NAALADL2: variants seen among roughly 807,000 people sequenced by gnomAD.
The protein encoded by NAALADL2 is inactive N-acetylated-alpha-linked acidic dipeptidase-like protein 2.
In NAALADL2, 76 loss-of-function variants were observed where a neutral mutation model predicts 87.2. That is an observed-to-expected ratio of 0.87 (90% CI 0.72 to 1.05). The LOEUF is 1.05. NAALADL2 is among the 50% of genes least tolerant of loss of function. The pLI is 0.00. For synonymous variants in NAALADL2, 354 were observed against 331.0 expected (o/e 1.07, Z -0.75); for missense variants, 1,089 against 945.8 (o/e 1.15, Z -1.99).
At chr3:174,816,417 T>TGC (rs377727617) in intron 3 of NAALADL2, among the ~76,000 whole-genome samples, 6 of 149,920 alleles carry the variant, frequency 4.0e-5, no homozygotes, top group African/African-American at 1.5e-4. Context: ...TGTGTGCGTG[T>TGC]GTGTGTGTGT....
chr3:175,537,613 A>G (rs994760699), intron 9 of NAALADL2, among the ~76,000 whole-genome samples: 1 of 152,214 alleles, frequency 6.6e-6, no homozygotes, highest in Non-Finnish European at 1.5e-5. Flanking sequence ...ATACAGATTC[A>G]GTGAAAGTAA....
chr3:175,597,737 T>C (rs1479090395), intron 10 of NAALADL2, among the ~76,000 whole-genome samples: 1 of 151,952 alleles, frequency 6.6e-6, no homozygotes, highest in Non-Finnish European at 1.5e-5. Flanking sequence ...CAATATTGTC[T>C]CCAGATATTG....
chr3:175,351,056 G>T (rs1763704044), intron 5 of NAALADL2, among the ~76,000 whole-genome samples: 1 of 151,982 alleles, frequency 6.6e-6, no homozygotes. Flanking sequence ...ATACTTTGGA[G>T]TGTGACTTTA....
chr3:174,718,210 A>G lies in NAALADL2; in HGVS notation c.-114-19431A>G, dbSNP rs538250340. On this transcript the variant is annotated intron_variant, in intron 2 of 3. Transcript: ENST00000434257. ...GAAAAATTCTGCAATGAAGCATTCT[A>G]TTTTTGGGGCTTATTTATCTTTCCC... 5.3e-5 allele frequency among the ~76,000 whole-genome samples: 8 copies of G among 152,288 alleles called. No individual in the cohort carries two copies. The East Asian group carries it at 1.2e-3, about 22-fold the overall frequency.
At position 174,981,502 on chromosome 3, in the gene NAALADL2, G is replaced by A. The variant is rs192554040; in HGVS notation, c.44-115288G>A. On this transcript the variant is annotated intron_variant, in intron 1 of 13. Transcript: ENST00000454872. ...ATTTCTATTTCTTCAAAGAGAAACC[G>A]CCAAAAGGTGGTACTTGGTTCTGAA... Among the ~76,000 whole-genome samples, 297 of 152,166 alleles carry A rather than the reference G, an allele frequency of 2.0e-3. 3 individuals carry two copies. The highest frequency in any genetic ancestry group is 7.5e-3 in the Admixed American group (114 of 15,278).
chr3:175,366,555 C>T (rs1306004516), intron 5 of NAALADL2, among the ~76,000 whole-genome samples: 3 of 151,768 alleles, frequency 2.0e-5, no homozygotes, highest in East Asian at 1.9e-4. Flanking sequence ...GTCATTCTAA[C>T]TGGTGTGAGA....
chr3:174,720,048 C>T (rs888101219), intron 2 of NAALADL2, among the ~76,000 whole-genome samples: 4 of 152,102 alleles, frequency 2.6e-5, no homozygotes, highest in African/African-American at 9.7e-5. Context: ...GATTCACATG[C>T]CTTGGCCTCC....
intron 5 of NAALADL2, among the ~76,000 whole-genome samples, chr3:175,353,207 G>A (rs1043541523): frequency 2.0e-5 from 3 of 151,728 alleles, no homozygotes; most frequent in African/African-American, 7.3e-5. Flanking sequence ...AAGAAACTTT[G>A]AATTAGAATA....
intron 2 of NAALADL2, among the ~76,000 whole-genome samples, chr3:175,180,592 G>A (rs1358312492): frequency 1.3e-5 from 2 of 151,808 alleles, no homozygotes; most frequent in South Asian, 2.1e-4. Flanking sequence ...AGTAAATGAC[G>A]GATTGCAAAT....
intron 1 of NAALADL2, among the ~76,000 whole-genome samples, chr3:174,924,266 C>G (rs933652156): frequency 5.1e-5 from 7 of 137,596 alleles, no homozygotes; most frequent in African/African-American, 1.9e-4. Context: ...CTGTGTCCAA[C>G]TGTTCTCATT....
At chr3:175,090,210 A>G (rs1465966168) in intron 1 of NAALADL2, among the ~76,000 whole-genome samples, 1 of 152,132 alleles carries the variant, frequency 6.6e-6, no homozygotes, top group African/African-American at 2.4e-5. Context: ...CCCCTGAGAA[A>G]AAGAGTTTTG....
chr3:174,456,164 G>T (rs1715818341), intron 1 of NAALADL2, among the ~76,000 whole-genome samples: 1 of 152,036 alleles, frequency 6.6e-6, no homozygotes, highest in Non-Finnish European at 1.5e-5. Context: ...GGAGGTGAAA[G>T]ATCTCTGTAA....
chr3:175,586,655 T>C (rs1424204202), intron 10 of NAALADL2, among the ~76,000 whole-genome samples: 1 of 152,252 alleles, frequency 6.6e-6, no homozygotes, highest in African/African-American at 2.4e-5. Context: ...TCTACCTTTA[T>C]GTACAAGGTC....
chr3:174,482,614 C>A lies in NAALADL2; in HGVS notation c.-184+41582C>A, dbSNP rs573790518. ...ATTTTTCCAGTATTTAAAACACAAA[C>A]AAAACTGGATTTAAAGTCTTGAACT... On this transcript the variant is annotated intron_variant, in intron 1 of 3. Transcript: ENST00000434257. Among the ~76,000 whole-genome samples, 55 of 152,086 alleles carry A rather than the reference C, an allele frequency of 3.6e-4. 1 individual carries two copies. Among genetic ancestry groups the A allele is most frequent in the Non-Finnish European group, 6.3e-4 (43 of 67,960 alleles).
At position 174,954,324 on chromosome 3, in the gene NAALADL2, T is replaced by G. The variant is rs189080716; in HGVS notation, c.43+94874T>G. On this transcript the variant is annotated intron_variant, in intron 1 of 13. Transcript: ENST00000454872. ...TAACTTGAATGCAACTGTTTGTAGCTCCATTAAAGGTTAAATTTGCATAAA... is the reference window on the plus strand; with the variant it reads ...TAACTTGAATGCAACTGTTTGTAGCGCCATTAAAGGTTAAATTTGCATAAA... Among the ~76,000 whole-genome samples, 786 of 152,246 alleles carry G rather than the reference T, an allele frequency of 5.2e-3. 9 individuals are homozygous for G. Among genetic ancestry groups the G allele is most frequent in the African/African-American group, 0.018 (763 of 41,552 alleles).
rs3040106 is a variant in NAALADL2, at chr3:174,819,058, C to CTTTTTTTTTTTTTTTTTTTTTTTTTT, written c.-9+81315_-9+81340dup. 8.0e-4 allele frequency among the ~76,000 whole-genome samples: 38 copies of CTTTTTTTTTTTTTTTTTTTTTTTTTT among 47,544 alleles called. 7 individuals carry two copies. The highest frequency in any genetic ancestry group is 2.9e-3 in the East Asian group (4 of 1,378). 31.2% of individuals were successfully genotyped at this position (47,544 alleles called of 152,430 possible). A position where few individuals can be genotyped will look rare whatever the true frequency, so the allele number is the denominator to read the frequency against. On this transcript the variant is annotated intron_variant, in intron 3 of 3. Transcript: ENST00000434257. ...GAATTTCTTTATTATACCATTTATT[C>CTTTTTTTTTTTTTTTTTTTTTTTTTT]TTTTTTTTTTTTTTTTTTTTTTTTT...
At chr3:175,573,937 T>C (rs1718479757) in intron 9 of NAALADL2, among the ~76,000 whole-genome samples, 1 of 152,228 alleles carries the variant, frequency 6.6e-6, no homozygotes, top group African/African-American at 2.4e-5. Context: ...GTAAACACAT[T>C]AAGCAGAAAC....
chr3:175,408,051 T>C (rs1712734932), intron 5 of NAALADL2, among the ~76,000 whole-genome samples: 3 of 152,098 alleles, frequency 2.0e-5, no homozygotes, highest in Admixed American at 2.0e-4. Flanking sequence ...ACTTTATGAG[T>C]TCATTATGGA....
chr3:174,837,793 C>A (rs1723514636), intron 3 of NAALADL2, among the ~76,000 whole-genome samples: 1 of 150,624 alleles, frequency 6.6e-6, no homozygotes. Flanking sequence ...GACTCTGTCT[C>A]AAAAAAAACA....
Sources: gnomAD v4.1 joint callset for allele counts (sites outside exome capture counted in the v4.1 genomes callset) on GRCh38, gnomAD v4.1.1 for gene constraint, MANE v1.5 for transcripts, NCBI Gene and HGNC (gene_info 2026-07-23, HGNC 2026-07-21) for gene names.